The following GTF3C1 variants were observed in gnomAD, a reference collection of about 807,000 sequenced individuals.
GTF3C1 encodes the protein general transcription factor 3C polypeptide 1.
GTF3C1 carries 57 observed loss-of-function variants against 226.7 expected under a neutral mutation model. The ratio of observed to expected loss-of-function variants is 0.25; its 90% CI spans 0.20 to 0.31. The LOEUF (loss-of-function observed/expected upper bound fraction) is 0.31, where lower values mean the gene tolerates loss of function less well. Among genes scored for constraint, GTF3C1 ranks in the 10% least tolerant of loss-of-function variants. The pLI, the probability that GTF3C1 is intolerant of heterozygous loss-of-function variation, is 1.00. For missense variants in GTF3C1, 2,217 were observed against 2,776.1 expected, an observed-to-expected ratio of 0.80 and a Z score of 4.53; for synonymous variants, 1,090 against 1,084.8, an observed-to-expected ratio of 1.00 and a Z score of -0.09.
intron 6 of GTF3C1, among the ~76,000 whole-genome samples, chr16:27,528,303 C>A (rs1332469274): frequency 1.3e-5 from 2 of 152,040 alleles, no homozygotes; most frequent in Non-Finnish European, 2.9e-5. Context: ...AAGAAGGAGA[C>A]TAGAGTGGCT....
chr16:27,491,826 C>A (rs942041579), intron 19 of GTF3C1, among the ~76,000 whole-genome samples: 1 of 152,186 alleles, frequency 6.6e-6, no homozygotes, highest in Non-Finnish European at 1.5e-5. Flanking sequence ...CCTGGGATGC[C>A]CTCCCCAGCT....
At chr16:27,522,195 T>G (rs2088760643) in intron 6 of GTF3C1, among the ~76,000 whole-genome samples, 1 of 152,266 alleles carries the variant, frequency 6.6e-6, no homozygotes, top group Admixed American at 6.5e-5. Flanking sequence ...TTCACAGGCC[T>G]CTGCATCCAT....
At position 27,484,191 on chromosome 16, in the gene GTF3C1, G is replaced by T; in HGVS notation, c.4001+20C>A. ...TAACGTAACCGTGTCCCGGAGTGAC[G>T]GGGCTTCAATGAGGCTTACTTATAG... On this transcript the variant is annotated intron_variant, in intron 25 of 36. Transcript: ENST00000356183. 1 of 1,570,074 alleles carries T rather than the reference G, an allele frequency of 6.4e-7. No homozygotes were observed. Among genetic ancestry groups the T allele is most frequent in the Non-Finnish European group, 8.8e-7 (1 of 1,140,240 alleles).
chr16:27,462,566 G>A lies in GTF3C1; in HGVS notation c.5925-80C>T. The A allele has an allele frequency of 1.8e-6, 2 of 1,085,154 alleles. No homozygotes were observed. Among genetic ancestry groups the A allele is most frequent in the Non-Finnish European group, 2.7e-6 (2 of 728,764 alleles). 67.2% of individuals were successfully genotyped at this position (1,085,154 alleles called of 1,614,324 possible). On this transcript the variant is annotated intron_variant, in intron 35 of 36. Coordinates refer to ENST00000356183, the MANE Select transcript of GTF3C1 (RefSeq NM_001520.4). This position sits in a 1 kb window ranked among gnomAD's most constrained non-coding sequence, Gnocchi z 4.5. ...CCAGACAGAACACTGAGGCTCAGGG[G>A]CGTCCTAGGCCTGGCCCAGGTCACA...
At position 27,493,258 on chromosome 16, in the gene GTF3C1, C is replaced by T. The variant is rs763762572; in HGVS notation, c.2817G>A (p.Lys939=). Residue 939 remains lysine, a synonymous_variant, in exon 17 of 37, where the codon AAG becomes AAA. Coordinates refer to ENST00000356183, the MANE Select transcript of GTF3C1 (RefSeq NM_001520.4). ...NLEEFLNDPL[K]KHTLIRFLPR... is the part of the protein sequence containing the mutation. ...GGAGAAAGCGGATCAGCGTGTGCTT[C>T]TTCAGCGGGTCGTTCAGAAATTCCT... 3.1e-6 allele frequency: 5 copies of T among 1,611,960 alleles called. No individual in the cohort carries two copies. Among genetic ancestry groups the T allele is most frequent in the South Asian group, 1.1e-5 (1 of 91,044 alleles).
chr16:27,505,952 T>C lies in GTF3C1; in HGVS notation c.1717A>G (p.Ser573Gly). ...NVSFVSHCADSNSGDIAVIEE... is the reference protein window; with the variant it reads ...NVSFVSHCADGNSGDIAVIEE... The stretch of plus-strand genomic sequence containing the variant: ...ATCACAGCTATGTCACCACTGTTGC[T>C]GTCCGCACAGTGGGAGACAAAGGAC... Residue 573 changes from serine to glycine, a missense_variant, in exon 10 of 37, where the codon AGC (serine) becomes GGC (glycine). Physicochemically the swap from Ser to Gly is moderately conservative, Grantham distance 56. Around this residue, in one of 12 missense-constraint regions of GTF3C1, gnomAD observed 173 missense variants for 207.2 expected, o/e 0.83. Transcript: ENST00000356183. 1.9e-6 allele frequency: 3 copies of C among 1,613,166 alleles called. No individual in the cohort carries two copies. The highest frequency in any genetic ancestry group is 2.5e-6 in the Non-Finnish European group (3 of 1,179,058).
chr16:27,508,679 C>G (rs1362769285), intron 7 of GTF3C1, 24 bp from the exon 8 acceptor site: 4 of 1,553,520 alleles, frequency 2.6e-6, no homozygotes, highest in Admixed American at 3.3e-5. Context: ...TACACGTGAA[C>G]CCAAACCGCT....
chr16:27,479,962 AGGCTGAGACG>A (rs2088014177), intron 27 of GTF3C1, among the ~76,000 whole-genome samples: 1 of 152,040 alleles, frequency 6.6e-6, no homozygotes, highest in African/African-American at 2.4e-5. Flanking sequence ...GCACTTTGGG[AGGCTGAGACG>A]GGCAGATCAC....
intron 11 of GTF3C1, 99 bp from the exon 12 acceptor site, chr16:27,501,443 A>T: frequency 9.4e-7 from 1 of 1,064,858 alleles, no homozygotes; most frequent in Non-Finnish European, 1.4e-6. Context: ...ACCCAATAGA[A>T]ACAAGGAAGG....
chr16:27,535,689 A>G (rs1040510037), intron 4 of GTF3C1, among the ~76,000 whole-genome samples: 1 of 152,154 alleles, frequency 6.6e-6, no homozygotes, highest in Non-Finnish European at 1.5e-5. Context: ...CGGGAGTTCA[A>G]TAACAGCTTG....
intron 13 of GTF3C1, among the ~76,000 whole-genome samples, chr16:27,498,246 C>T (rs1005313783): frequency 6.6e-6 from 1 of 152,212 alleles, no homozygotes; most frequent in African/African-American, 2.4e-5. Flanking sequence ...TGAGACACAG[C>T]TGAGAACTTT....
At chr16:27,503,069 T>C (rs1392278301) in intron 10 of GTF3C1, 74 bp from the exon 11 acceptor site, 1 of 1,136,592 alleles carries the variant, frequency 8.8e-7, no homozygotes, top group Non-Finnish European at 1.3e-6. Flanking sequence ...CACCTGTGGG[T>C]GCACTGGCCC....
intron 6 of GTF3C1, among the ~76,000 whole-genome samples, chr16:27,525,580 T>C (rs148375131): frequency 2.0e-5 from 3 of 152,332 alleles, no homozygotes; most frequent in Non-Finnish European, 4.4e-5. Context: ...TTCCATTAAC[T>C]AAGCTAGGAA....
At chr16:27,472,191 G>A (rs775080707) in intron 29 of GTF3C1, among the ~76,000 whole-genome samples, 1 of 152,152 alleles carries the variant, frequency 6.6e-6, no homozygotes, top group Non-Finnish European at 1.5e-5. Flanking sequence ...GAGACAGGGG[G>A]GCTATTCACT....
chr16:27,513,975 C>CTT (rs780339157), intron 6 of GTF3C1, among the ~76,000 whole-genome samples: 3 of 152,174 alleles, frequency 2.0e-5, no homozygotes, highest in East Asian at 3.9e-4. Flanking sequence ...GCAGGAGGTT[C>CTT]TTTTGGGGGC....
chr16:27,493,657 T>C (rs1414088847), intron 16 of GTF3C1, among the ~76,000 whole-genome samples: 1 of 152,140 alleles, frequency 6.6e-6, no homozygotes, highest in Non-Finnish European at 1.5e-5. Context: ...TCTGCTCCTA[T>C]CCTTACCCAA....
At chr16:27,473,395 AC>A (rs1482303779) in intron 29 of GTF3C1, among the ~76,000 whole-genome samples, 1 of 152,238 alleles carries the variant, frequency 6.6e-6, no homozygotes, top group Non-Finnish European at 1.5e-5. Flanking sequence ...AGGGCAAGCA[AC>A]CAGCAGTTCC....
intron 6 of GTF3C1, among the ~76,000 whole-genome samples, chr16:27,522,604 G>A (rs949900122): frequency 5.3e-5 from 8 of 152,168 alleles, no homozygotes; most frequent in Non-Finnish European, 1.0e-4. Flanking sequence ...CATTCCCTGT[G>A]AATTTTAGCA....
At chr16:27,476,878 C>CTA (rs1393129457) in intron 28 of GTF3C1, among the ~76,000 whole-genome samples, 1 of 152,154 alleles carries the variant, frequency 6.6e-6, no homozygotes, top group Non-Finnish European at 1.5e-5. Context: ...AAATACAGAG[C>CTA]TAAAATCAAA....
Sources: gnomAD v4.1 joint callset for allele counts (sites outside exome capture counted in the v4.1 genomes callset) on GRCh38, gnomAD v4.1.1 for gene constraint, gnomAD v4.1.1 regional missense constraint, Gnocchi (gnomAD v3.1) non-coding constraint, MANE v1.5 for transcripts, NCBI Gene and HGNC (gene_info 2026-07-23, HGNC 2026-07-21) for gene names.